The following CAMKMT variants were observed in gnomAD, a reference collection of about 807,000 sequenced individuals.
CAMKMT encodes calmodulin-lysine N-methyltransferase.
In CAMKMT, 53 loss-of-function variants were observed where a neutral mutation model predicts 48.0. That is an observed-to-expected ratio of 1.10 (90% CI 0.89 to 1.39). The LOEUF is 1.39. Ranked by LOEUF, CAMKMT falls within the 40% of genes most tolerant of loss-of-function variation. The pLI is 0.00. For missense variants in CAMKMT, 428 were observed against 402.7 expected (o/e 1.06, Z -0.54); for synonymous variants, 165 against 152.3 (o/e 1.08, Z -0.61).
At chr2:44,561,681 G>C (rs552892329) in intron 3 of CAMKMT, among the ~76,000 whole-genome samples, 1 of 152,258 alleles carries the variant, frequency 6.6e-6, no homozygotes, top group African/African-American at 2.4e-5. Context: ...CAATCTGCCA[G>C]CTTAAGCTAT....
rs954244069 is a variant in CAMKMT at position 44,523,770 on chromosome 2, A to C, written c.376+133465A>C. Among the ~76,000 whole-genome samples the C allele has an allele frequency of 3.1e-4, 28 of 89,880 alleles. No individual in the cohort carries two copies. In the East Asian group the frequency reaches 8.4e-3, roughly 27 times the overall value. The allele number at this position is 89,880 out of a possible 152,430, so 59.0% of individuals were successfully genotyped here. A position where few individuals can be genotyped will look rare whatever the true frequency, so the allele number is the denominator to read the frequency against. On this transcript the variant is annotated intron_variant, in intron 3 of 10. Coordinates refer to ENST00000378494, the MANE Select transcript of CAMKMT (RefSeq NM_024766.5). The stretch of plus-strand genomic sequence containing the variant: ...AGAGAAGAGCCTCCAGAGAGCGAGC[A>C]TTTTTTTTTTTTTTTTTTTTTTTTT...
intron 3 of CAMKMT, among the ~76,000 whole-genome samples, chr2:44,474,625 A>C (rs568886256): frequency 6.6e-6 from 1 of 152,280 alleles, no homozygotes; most frequent in South Asian, 2.1e-4. Flanking sequence ...TATCAACCCA[A>C]CTAGACCTAT....
At chr2:44,446,325 G>T (rs991042529) in intron 3 of CAMKMT, among the ~76,000 whole-genome samples, 2 of 151,752 alleles carry the variant, frequency 1.3e-5, no homozygotes, top group East Asian at 3.9e-4. Flanking sequence ...CCCAGATTTG[G>T]TCTTTCCCTT....
intron 7 of CAMKMT, among the ~76,000 whole-genome samples, chr2:44,729,991 G>A (rs1245979795): frequency 6.6e-6 from 1 of 152,148 alleles, no homozygotes; most frequent in Non-Finnish European, 1.5e-5. Context: ...GGAAGAGGAA[G>A]GGGTGGCTTT....
At chr2:44,675,414 A>G (rs1189809143) in intron 3 of CAMKMT, among the ~76,000 whole-genome samples, 3 of 152,064 alleles carry the variant, frequency 2.0e-5, no homozygotes, top group Non-Finnish European at 4.4e-5. Context: ...TATGACTTCC[A>G]TGACATTCTT....
chr2:44,460,417 G>T (rs1177895728), intron 3 of CAMKMT, among the ~76,000 whole-genome samples: 1 of 152,170 alleles, frequency 6.6e-6, no homozygotes, highest in East Asian at 1.9e-4. Context: ...TTAAAAAATT[G>T]TGAGTCTTTT....
intron 3 of CAMKMT, among the ~76,000 whole-genome samples, chr2:44,644,736 C>A (rs771045892): frequency 6.6e-6 from 1 of 152,062 alleles, no homozygotes; most frequent in East Asian, 1.9e-4. Context: ...TATAATTAGA[C>A]TTTTATAGCT....
At chr2:44,417,170 G>A (rs997216743) in intron 3 of CAMKMT, among the ~76,000 whole-genome samples, 3 of 151,904 alleles carry the variant, frequency 2.0e-5, no homozygotes, top group African/African-American at 7.3e-5. Context: ...CTGAGGCGCG[G>A]ATCACGAGGT....
At position 44,670,321 on chromosome 2, in the gene CAMKMT, A is replaced by G. The variant is rs534081178; in HGVS notation, c.377-33962A>G. ...TGGGCTGGGTGTGGTGGCTCCACCT[A>G]TAATCTCAATACTTTTGGAGGCTGA... is the stretch of plus-strand genomic sequence containing the variant. On this transcript the variant is annotated intron_variant, in intron 3 of 10. Transcript: ENST00000378494. 2.0e-5 allele frequency among the ~76,000 whole-genome samples: 3 copies of G among 152,208 alleles called. No homozygotes were observed. The South Asian group carries it at 6.2e-4, about 32-fold the overall frequency.
At chr2:44,707,350 A>G in intron 5 of CAMKMT, 49 bp from the exon 6 acceptor site, 1 of 1,554,118 alleles carries the variant, frequency 6.4e-7, no homozygotes, top group Non-Finnish European at 8.9e-7. Flanking sequence ...ACTTCCACAC[A>G]GACAAGCATA....
chr2:44,364,620 A>C (rs1178700578), intron 1 of CAMKMT, among the ~76,000 whole-genome samples: 2 of 152,210 alleles, frequency 1.3e-5, no homozygotes, highest in Non-Finnish European at 2.9e-5. Context: ...ACAGTCTTTA[A>C]GTGGCGCATA....
intron 3 of CAMKMT, among the ~76,000 whole-genome samples, chr2:44,435,520 C>A (rs1666184661): frequency 6.6e-6 from 1 of 152,100 alleles, no homozygotes; most frequent in African/African-American, 2.4e-5. Context: ...GATTCAGTGC[C>A]TGAAATTATG....
intron 3 of CAMKMT, chr2:44,393,592 G>A (rs1681551583): frequency 6.6e-6 from 1 of 152,176 alleles, no homozygotes; most frequent in Non-Finnish European, 1.5e-5. Context: ...AGATATCAAA[G>A]CTTCTTGGTC....
At chr2:44,617,150 G>A (rs1396469259) in intron 3 of CAMKMT, among the ~76,000 whole-genome samples, 1 of 152,160 alleles carries the variant, frequency 6.6e-6, no homozygotes, top group Non-Finnish European at 1.5e-5. Flanking sequence ...TACATTCAGA[G>A]GTGGACACAT....
intron 3 of CAMKMT, among the ~76,000 whole-genome samples, chr2:44,519,983 G>A (rs1012310751): frequency 5.9e-5 from 9 of 151,796 alleles, no homozygotes; most frequent in Non-Finnish European, 7.4e-5. Flanking sequence ...AGGCTGAGGC[G>A]GGCGGATCAC....
intron 7 of CAMKMT, among the ~76,000 whole-genome samples, 200 bp from the exon 8 acceptor site, chr2:44,743,422 T>C (rs1251253469): frequency 6.6e-6 from 1 of 152,192 alleles, no homozygotes; most frequent in Non-Finnish European, 1.5e-5. Flanking sequence ...TTTATTTAAG[T>C]AGAGAATTCT....
At chr2:44,642,398 A>T (rs1299093918) in intron 3 of CAMKMT, among the ~76,000 whole-genome samples, 4 of 152,248 alleles carry the variant, frequency 2.6e-5, no homozygotes, top group Non-Finnish European at 5.9e-5. Flanking sequence ...CACTGGTGCC[A>T]TAAGGCAGCT....
At chr2:44,654,491 G>T (rs1011408094) in intron 3 of CAMKMT, among the ~76,000 whole-genome samples, 1 of 152,046 alleles carries the variant, frequency 6.6e-6, no homozygotes, top group Admixed American at 6.6e-5. Context: ...TATTCATGGG[G>T]TCATATGCTA....
Position 44,362,104 on chromosome 2 carries a change from T to C in CAMKMT, c.97T>C (p.Ser33Pro). Residue 33 changes from serine (S) to proline (P), a missense_variant, in exon 1 of 11, where the codon TCG becomes CCG. Physicochemically the swap from Ser to Pro is moderately conservative, Grantham distance 74 (BLOSUM62 -1). Coordinates refer to ENST00000378494, the MANE Select transcript of CAMKMT (RefSeq NM_024766.5). The stretch of plus-strand genomic sequence containing the variant: ...CTGCACCACTCGGGGGCCCGTAGTC[T>C]CGGCGCCCCTGGGAGCCGCCCGGTG... ...VGCTTRGPVVSAPLGAARWKL... is the reference protein window; with the variant it reads ...VGCTTRGPVVPAPLGAARWKL... The C allele has an allele frequency of 5.5e-6, 8 of 1,467,242 alleles. No individual in the cohort carries two copies. Among genetic ancestry groups the C allele is most frequent in the Non-Finnish European group, 5.4e-6 (6 of 1,120,660 alleles). The allele number at this position is 1,467,242 out of a possible 1,614,324, so 90.9% of individuals were successfully genotyped here. A position where few individuals can be genotyped will look rare whatever the true frequency, so the allele number is the denominator to read the frequency against.
Sources: gnomAD v4.1 joint callset for allele counts (sites outside exome capture counted in the v4.1 genomes callset) on GRCh38, gnomAD v4.1.1 for gene constraint, MANE v1.5 for transcripts, NCBI Gene and HGNC (gene_info 2026-07-23, HGNC 2026-07-21) for gene names.